Variants in TRMT1L observed in about 807,000 individuals in gnomAD.
TRMT1L encodes tRNA (guanine(27)-N(2))-dimethyltransferase.
TRMT1L carries 28 observed loss-of-function variants against 81.6 expected under a neutral mutation model. That is an observed-to-expected ratio of 0.34 (90% CI 0.25 to 0.47). The LOEUF (loss-of-function observed/expected upper bound fraction) is 0.47, where lower values mean the gene tolerates loss of function less well. Ranked by LOEUF, TRMT1L falls within the 20% of genes least tolerant of loss-of-function variation. The probability of loss-of-function intolerance (pLI) is 1.00; values close to 1 mark genes in which losing one functional copy is unlikely to be tolerated. For missense variants in TRMT1L, 739 were observed against 877.1 expected (o/e 0.84, Z 1.99); for synonymous variants, 301 against 303.2 (o/e 0.99, Z 0.07).
intron 7 of TRMT1L, 122 bp from the exon 8 acceptor site, chr1:185,140,344 T>G: frequency 3.6e-6 from 3 of 835,864 alleles, no homozygotes; most frequent in Non-Finnish European, 5.3e-6. Context: ...TTTTCATGAA[T>G]CTTATTCCTT....
chr1:185,137,491 AAGTT>A (rs1417415074), intron 10 of TRMT1L, 111 bp downstream of exon 10: 1 of 1,075,106 alleles, frequency 9.3e-7, no homozygotes, highest in Non-Finnish European at 1.4e-6. Flanking sequence ...GGAAATAACA[AAGTT>A]AGCACTGTAA....
Position 185,139,386 on chromosome 1 carries a change from C to T in TRMT1L, c.1303G>A (p.Val435Ile), listed in dbSNP as rs969185393. 4 of 1,613,552 alleles carry T rather than the reference C, an allele frequency of 2.5e-6. No individual in the cohort carries two copies. The African/African-American group carries it at 4.0e-5, about 16-fold the overall frequency. Residue 435 changes from valine to isoleucine, a missense_variant, in exon 9 of 15, where the codon GTT becomes ATT. Physicochemically the swap from Val to Ile is conservative, Grantham distance 29. This residue lies in a region of TRMT1L where 331 missense variants were observed against 462.2 expected (regional missense o/e 0.72). Transcript: ENST00000367506. ...TGGTACCTTGCCACTGCAGCTACAA[C>T]AATTCTGGCTGCTAGTTCCTTGTAA... is the stretch of plus-strand genomic sequence containing the variant. Reference protein sequence around the residue: ...EYYKELAARIVVAAVARAAAR... With the variant: ...EYYKELAARIIVAAVARAAAR...
chr1:185,150,306 T>G (rs1442995773), intron 3 of TRMT1L, 73 bp downstream of exon 3: 7 of 1,081,664 alleles, frequency 6.5e-6, no homozygotes, highest in Non-Finnish European at 8.2e-6. Context: ...ATACTCATGA[T>G]AAAAATGCCA....
At chr1:185,157,377 G>C (rs1278939246), upstream of TRMT1L, 1 of 152,650 alleles carries the variant, frequency 6.6e-6, no homozygotes, top group Non-Finnish European at 1.5e-5. Context: ...CCCGCCCCAA[G>C]TATACTGGCG....
intron 10 of TRMT1L, among the ~76,000 whole-genome samples, chr1:185,130,171 A>G (rs960584987): frequency 2.0e-5 from 3 of 152,242 alleles, no homozygotes; most frequent in Non-Finnish European, 2.9e-5. Context: ...AATTCAAGTT[A>G]CTAGCAGCAA....
At chr1:185,126,798 A>G (rs1039060911) in intron 11 of TRMT1L, among the ~76,000 whole-genome samples, 9 of 152,084 alleles carry the variant, frequency 5.9e-5, no homozygotes, top group African/African-American at 1.2e-4. Context: ...GGAGTTCAAG[A>G]CCAGCCTGGC....
chr1:185,145,320 G>A, intron 5 of TRMT1L, 119 bp downstream of exon 5: 1 of 1,089,942 alleles, frequency 9.2e-7, no homozygotes, highest in South Asian at 1.9e-5. Context: ...TAATGGACTA[G>A]TGAACTAAAT....
In TRMT1L at chr1:185,119,375, C is replaced by T. The variant is rs1469878664; in HGVS notation, c.*644G>A. ...TGGTCTCAATTTATTCTGACAAAAT[C>T]TTACTTTGAAGTTTAGTCATTTAGA... On this transcript the variant is annotated 3_prime_UTR_variant, in exon 15 of 15. Transcript: ENST00000367506. The T allele has an allele frequency of 6.6e-6, 1 of 152,126 alleles. No individual in the cohort carries two copies. Among genetic ancestry groups the T allele is most frequent in the Non-Finnish European group, 1.5e-5 (1 of 68,016 alleles). The allele number at this position is 152,126 out of a possible 1,614,324, so 9.4% of individuals were successfully genotyped here.
Position 185,145,560 on chromosome 1 carries a change from A to G in TRMT1L, c.534T>C (p.Ser178=). Residue 178 remains serine (S), a synonymous_variant, in exon 5 of 15, where the codon AGT becomes AGC. Transcript: ENST00000367506. ...TACAATGATAATGGGCTCCCATTTT[A>G]CTGGTTATCTATCAAACAGAGTATT... The part of the protein sequence containing the change: ...KPNIIGEQIT[S]KMGAHYHCII... 6.2e-7 allele frequency: 1 copy of G among 1,611,178 alleles called. No individual in the cohort carries two copies. The highest frequency in any genetic ancestry group is 1.7e-5 in the Admixed American group (1 of 59,930).
chr1:185,123,672 AT>A (rs1652550868), intron 13 of TRMT1L, among the ~76,000 whole-genome samples, 184 bp downstream of exon 13: 1 of 152,206 alleles, frequency 6.6e-6, no homozygotes, highest in African/African-American at 2.4e-5. Context: ...TGAACAAAGC[AT>A]ATGTTAACAG....
chr1:185,134,582 AT>A (rs1652852178), intron 10 of TRMT1L, among the ~76,000 whole-genome samples: 1 of 152,260 alleles, frequency 6.6e-6, no homozygotes, highest in Admixed American at 6.5e-5. Context: ...GTTCTGTATG[AT>A]TCCAAATAAA....
At chr1:185,157,142 A>C, upstream of TRMT1L, 1 of 170,800 alleles carries the variant, frequency 5.9e-6, no homozygotes. Flanking sequence ...GTAAATGCAA[A>C]TCTAAGCGAG....
chr1:185,128,816 T>A, intron 10 of TRMT1L, 69 bp from the exon 11 acceptor site: 1 of 1,296,996 alleles, frequency 7.7e-7, no homozygotes, highest in Non-Finnish European at 1.1e-6. Flanking sequence ...AATTGTTATA[T>A]TAATAATAAT....
intron 10 of TRMT1L, among the ~76,000 whole-genome samples, chr1:185,136,585 T>C (rs1652905788): frequency 6.6e-6 from 1 of 152,176 alleles, no homozygotes; most frequent in African/African-American, 2.4e-5. Flanking sequence ...CCCAATTTAA[T>C]GTCATCAAAA....
rs368239448 is a variant in TRMT1L at position 185,128,598 on chromosome 1, A to G, written c.1592+71T>C. 4 of 1,406,376 alleles carry G rather than the reference A, an allele frequency of 2.8e-6. No individual in the cohort carries two copies. The African/African-American group carries it at 4.3e-5, about 15-fold the overall frequency. 87.1% of individuals were successfully genotyped at this position (1,406,376 alleles called of 1,614,324 possible). ...TTTAAATTTGTCTTTTACCACACAT[A>G]ATAAAAATCAGCAATTAATAAATCA... On this transcript the variant is annotated intron_variant, in intron 11 of 14. Coordinates refer to ENST00000367506, the MANE Select transcript of TRMT1L (RefSeq NM_030934.5).
intron 7 of TRMT1L, among the ~76,000 whole-genome samples, chr1:185,141,551 A>G (rs180919483): frequency 6.6e-6 from 1 of 152,254 alleles, no homozygotes; most frequent in East Asian, 1.9e-4. Context: ...TAAAAATACA[A>G]AAATCAGCCA....
Position 185,140,148 on chromosome 1 carries a change from A to G in TRMT1L, c.934T>C (p.Ser312Pro). The G allele has an allele frequency of 6.2e-7, 1 of 1,613,838 alleles. No individual in the cohort carries two copies. The highest frequency in any genetic ancestry group is 8.5e-7 in the Non-Finnish European group (1 of 1,179,874). The change falls in exon 8 of 15, where the codon TCT becomes CCT. Residue 312 changes from serine to proline, a missense_variant. This residue lies in a region of TRMT1L where 331 missense variants were observed against 462.2 expected (regional missense o/e 0.72). Coordinates refer to ENST00000367506, the MANE Select transcript of TRMT1L (RefSeq NM_030934.5). ...KVTINDLNEN[S>P]VTLIQENCHL... The stretch of plus-strand genomic sequence containing the variant: ...CAGTTTTCCTGAATCAGTGTCACAG[A>G]ATTTTCATTCAAGTCATTGATTGTA...
chr1:185,135,441 C>T (rs1265322687), intron 10 of TRMT1L, among the ~76,000 whole-genome samples: 1 of 147,554 alleles, frequency 6.8e-6, no homozygotes, highest in African/African-American at 2.5e-5. Context: ...GAAAGAAAAA[C>T]AAACAATTAC....
chr1:185,146,265 A>G (rs904216533), intron 4 of TRMT1L, among the ~76,000 whole-genome samples: 1 of 152,048 alleles, frequency 6.6e-6, no homozygotes, highest in Non-Finnish European at 1.5e-5. Flanking sequence ...AGCCAGCTCC[A>G]GTACCCCACT....
Sources: gnomAD v4.1 joint callset for allele counts (sites outside exome capture counted in the v4.1 genomes callset) on GRCh38, gnomAD v4.1.1 for gene constraint, gnomAD v4.1.1 regional missense constraint, MANE v1.5 for transcripts, NCBI Gene and HGNC (gene_info 2026-07-23, HGNC 2026-07-21) for gene names.